The following CHRNA1 variants were observed in gnomAD, a reference collection of about 807,000 sequenced individuals.
The protein encoded by CHRNA1 is acetylcholine receptor subunit alpha.
CHRNA1 carries 35 observed loss-of-function variants against 47.1 expected under a neutral mutation model. The ratio of observed to expected loss-of-function variants is 0.74; its 90% CI spans 0.57 to 0.99. CHRNA1 has a LOEUF of 0.99. Ranked by LOEUF, CHRNA1 falls within the 50% of genes least tolerant of loss-of-function variation. The pLI is 0.00. For missense variants in CHRNA1, 506 were observed against 591.1 expected, an observed-to-expected ratio of 0.86 and a Z score of 1.49; for synonymous variants, 229 against 223.6, an observed-to-expected ratio of 1.02 and a Z score of -0.22.
At chr2:174,760,484 A>G (rs879814836) in intron 1 of CHRNA1, among the ~76,000 whole-genome samples, 5 of 152,252 alleles carry the variant, frequency 3.3e-5, no homozygotes, top group Non-Finnish European at 4.4e-5. Context: ...TTTCATCTAC[A>G]TGAAGCATCC....
intron 4 of CHRNA1, among the ~76,000 whole-genome samples, chr2:174,754,822 A>G (rs1001684620): frequency 6.6e-6 from 1 of 152,030 alleles, no homozygotes; most frequent in African/African-American, 2.4e-5. Flanking sequence ...GGAATTTTAC[A>G]TAAAACACCT....
intron 1 of CHRNA1, among the ~76,000 whole-genome samples, 157 bp from the exon 2 acceptor site, chr2:174,759,790 T>C (rs577510304): frequency 4.3e-4 from 66 of 152,256 alleles, no homozygotes; most frequent in Admixed American, 1.2e-3. Flanking sequence ...GCAGCAGTTA[T>C]TGCCTTGTGT....
rs1064795046 is a variant in CHRNA1, at chr2:174,757,676, C to T, written c.235-1G>A. 1 of 1,613,232 alleles carries T rather than the reference C, an allele frequency of 6.2e-7. No individual in the cohort carries two copies. The highest frequency in any genetic ancestry group is 8.5e-7 in the Non-Finnish European group (1 of 1,179,202). On this transcript the variant is annotated splice_acceptor_variant, in intron 3 of 8. Transcript: ENST00000348749. LOFTEE classifies it high-confidence loss of function. ...ATTTTAGGTTGTAATCCACCCATTG[C>T]TAGAAACAAAGACATACAGCTAATT... is the stretch of plus-strand genomic sequence containing the variant.
At chr2:174,750,862 G>A (rs33921329) in intron 6 of CHRNA1, among the ~76,000 whole-genome samples, 54,416 of 152,022 alleles carry the variant, frequency 0.36, 11,605 homozygotes, top group Non-Finnish European at 0.47. Flanking sequence ...TGGACTCGGT[G>A]TGGCATTTCC....
intron 6 of CHRNA1, chr2:174,752,715 C>A (rs1683880444): frequency 6.7e-6 from 1 of 149,818 alleles, no homozygotes; most frequent in Non-Finnish European, 1.5e-5. Flanking sequence ...AATGAATAAT[C>A]TTTTTTCCTA....
intron 1 of CHRNA1, among the ~76,000 whole-genome samples, chr2:174,761,409 A>G (rs950701983): frequency 1.3e-5 from 2 of 151,878 alleles, no homozygotes; most frequent in African/African-American, 2.4e-5. Context: ...GCCTCCCCCA[A>G]CCAAGCAGCT....
At chr2:174,750,450 A>G (rs2105345716) in intron 6 of CHRNA1, among the ~76,000 whole-genome samples, 1 of 152,304 alleles carries the variant, frequency 6.6e-6, no homozygotes, top group South Asian at 2.1e-4. Context: ...GATGGCCATT[A>G]CAAACCGAGA....
chr2:174,753,303 G>A (rs537328592), intron 6 of CHRNA1, 200 bp downstream of exon 6: 10 of 735,536 alleles, frequency 1.4e-5, no homozygotes, highest in East Asian at 5.0e-5. Flanking sequence ...CCTGCCGCTC[G>A]GGGTGTCTGC....
rs570166930 is a variant in CHRNA1, at chr2:174,750,267, G to C, written c.779-98C>G. ...CCCACCATTTATATGTGGAAGTCCTGAGTCCTGGGACCTAAGAATGTGACT... is the reference window on the plus strand; with the variant it reads ...CCCACCATTTATATGTGGAAGTCCTCAGTCCTGGGACCTAAGAATGTGACT... On this transcript the variant is annotated intron_variant, in intron 6 of 8. Coordinates refer to ENST00000348749, the MANE Select transcript of CHRNA1 (RefSeq NM_000079.4). The C allele has an allele frequency of 9.1e-5, 81 of 887,842 alleles. No individual in the cohort carries two copies. In the East Asian group the frequency reaches 2.0e-3, roughly 22 times the overall value. The allele number at this position is 887,842 out of a possible 1,614,324, so 55.0% of individuals were successfully genotyped here. A position where few individuals can be genotyped will look rare whatever the true frequency, so the allele number is the denominator to read the frequency against.
At chr2:174,754,479 G>T in intron 4 of CHRNA1, 65 bp from the exon 5 acceptor site, 1 of 1,402,078 alleles carries the variant, frequency 7.1e-7, no homozygotes, top group Non-Finnish European at 1.0e-6. Flanking sequence ...TCTGCTTGGG[G>T]ACGTTAACAG....
chr2:174,748,436 G>T, intron 8 of CHRNA1, 144 bp downstream of exon 8: 1 of 1,355,104 alleles, frequency 7.4e-7, no homozygotes, highest in South Asian at 1.4e-5. Flanking sequence ...TTACTAAGGT[G>T]GTCTAGAGGC....
chr2:174,754,882 CTT>C (rs34233623), intron 4 of CHRNA1, among the ~76,000 whole-genome samples: 8 of 120,410 alleles, frequency 6.6e-5, no homozygotes, highest in Non-Finnish European at 6.7e-5. Context: ...GCCTACTACT[CTT>C]TTTTTTTTTT....
rs560121316 is a variant in CHRNA1 at position 174,754,308 on chromosome 2, T to A, written c.451A>T (p.Ile151Phe). The change falls in exon 5 of 9, where the codon ATC (isoleucine) becomes TTC (phenylalanine). Residue 151 changes from isoleucine to phenylalanine, a missense_variant. Ile to Phe is a conservative substitution (Grantham distance 21). Coordinates refer to ENST00000348749, the MANE Select transcript of CHRNA1 (RefSeq NM_000079.4). ...TCATCAAAGGGAAAGTGGGTGACGA[T>A]GATCTCACAGTAGCTTTTAAAGATG... ...PAIFKSYCEI[I>F]VTHFPFDEQN... The A allele has an allele frequency of 1.9e-6, 3 of 1,614,178 alleles. No homozygotes were observed. The highest frequency in any genetic ancestry group is 3.3e-5 in the Admixed American group (2 of 60,018).
At chr2:174,762,747 T>G (rs2105354172) in intron 1 of CHRNA1, among the ~76,000 whole-genome samples, 1 of 152,378 alleles carries the variant, frequency 6.6e-6, no homozygotes, top group East Asian at 1.9e-4. Context: ...AAAGAGTCCC[T>G]GATATAAATG....
intron 1 of CHRNA1, 29 bp downstream of exon 1, chr2:174,764,323 C>G: frequency 1.2e-6 from 2 of 1,609,660 alleles, no homozygotes; most frequent in Non-Finnish European, 1.7e-6. Context: ...AAGGAGAGCC[C>G]TCTCCCCACC....
chr2:174,759,619 C>T lies in CHRNA1; in HGVS notation c.58G>A (p.Gly20Ser). ...ACCAGACGGGTCTCATGTTCGGAGC[C>T]CAGGACGAGGCCAGCTGAGACAGCA... ...FSLCSAGLVL[G>S]SEHETRLVAK... Residue 20 changes from glycine (G) to serine (S), a missense_variant, in exon 2 of 9, where the codon GGC becomes AGC. Physicochemically the swap from Gly to Ser is moderately conservative, Grantham distance 56. Coordinates refer to ENST00000348749, the MANE Select transcript of CHRNA1 (RefSeq NM_000079.4). 6.2e-7 allele frequency: 1 copy of T among 1,613,568 alleles called. No homozygotes were observed. Among genetic ancestry groups the T allele is most frequent in the Non-Finnish European group, 8.5e-7 (1 of 1,179,934 alleles).
chr2:174,748,819 C>A lies in CHRNA1; in HGVS notation c.1003G>T (p.Val335Phe), dbSNP rs781558501. The change falls in exon 8 of 9, where the codon GTT (valine) becomes TTT (phenylalanine). Residue 335 changes from valine (V) to phenylalanine (F), a missense_variant and splice_region_variant. Transcript: ENST00000348749. The part of the protein sequence containing the change: ...THVMPNWVRK[V>F]FIDTIPNIMF... ...ATATTTGGGATAGTGTCGATAAAAACCTAACATAAAAAAGAAATCCATGCA... is the reference window on the plus strand; with the variant it reads ...ATATTTGGGATAGTGTCGATAAAAAACTAACATAAAAAAGAAATCCATGCA... 1 of 1,613,894 alleles carries A rather than the reference C, an allele frequency of 6.2e-7. No individual in the cohort carries two copies. The highest frequency in any genetic ancestry group is 1.1e-5 in the South Asian group (1 of 91,052).
At chr2:174,748,904 TG>T in intron 7 of CHRNA1, 85 bp from the exon 8 acceptor site, 11 of 1,564,816 alleles carry the variant, frequency 7.0e-6, no homozygotes, top group Non-Finnish European at 8.7e-6. Flanking sequence ...CAATGTGATT[TG>T]GGGTAAGTCA....
At chr2:174,748,934 C>T (rs1321485038) in intron 7 of CHRNA1, 115 bp from the exon 8 acceptor site, 102 of 1,367,946 alleles carry the variant, frequency 7.5e-5, no homozygotes, top group Non-Finnish European at 1.0e-4. Context: ...TTCTGGGCTT[C>T]AGCCTCCTTG....
Sources: allele counts gnomAD v4.1 joint callset (sites outside exome capture counted in the v4.1 genomes callset), GRCh38; gene constraint gnomAD v4.1.1; transcripts MANE v1.5; gene names NCBI Gene and HGNC (gene_info 2026-07-23, HGNC 2026-07-21).